BCKDHB: variants seen among roughly 807,000 people sequenced by gnomAD.
The protein encoded by BCKDHB is 2-oxoisovalerate dehydrogenase subunit beta, mitochondrial.
In BCKDHB, 41 loss-of-function variants were observed where a neutral mutation model predicts 48.5. The ratio of observed to expected loss-of-function variants is 0.85; its 90% CI spans 0.66 to 1.10. The LOEUF is 1.10. Among genes scored for constraint, BCKDHB ranks in the 50% least tolerant of loss-of-function variants. BCKDHB has a pLI of 0.00. For synonymous variants in BCKDHB, 201 were observed against 174.8 expected, an observed-to-expected ratio of 1.15 and a Z score of -1.18; for missense variants, 496 against 494.2, an observed-to-expected ratio of 1.00 and a Z score of -0.03.
chr6:80,286,026 A>G (rs1042014698), intron 9 of BCKDHB, among the ~76,000 whole-genome samples: 3 of 152,070 alleles, frequency 2.0e-5, no homozygotes, highest in Non-Finnish European at 4.4e-5. Flanking sequence ...GAATATATGA[A>G]TTAACTTTTT....
chr6:80,362,484 C>A, the BCKDHB span, among the ~76,000 whole-genome samples: 48,251 of 152,014 alleles, frequency 0.32, 8,922 homozygotes, highest in East Asian at 0.56. Context: ...GCAAGCCACC[C>A]AGAGTGTCTT....
At chr6:80,328,486 A>G (rs1205077932) in intron 9 of BCKDHB, among the ~76,000 whole-genome samples, 1 of 152,204 alleles carries the variant, frequency 6.6e-6, no homozygotes, top group Non-Finnish European at 1.5e-5. Flanking sequence ...TTTTTCCCAA[A>G]GGGAACATTT....
chr6:80,302,460 C>T (rs920273051), intron 9 of BCKDHB, among the ~76,000 whole-genome samples: 1 of 152,114 alleles, frequency 6.6e-6, no homozygotes, highest in Non-Finnish European at 1.5e-5. Flanking sequence ...TTGCAAAAGG[C>T]TTATTACATA....
intron 3 of BCKDHB, among the ~76,000 whole-genome samples, chr6:80,149,562 A>G (rs1036066297): frequency 1.3e-5 from 2 of 151,716 alleles, no homozygotes; most frequent in African/African-American, 2.4e-5. Flanking sequence ...ACAATAGCAA[A>G]GACTTGGAAC....
intron 1 of BCKDHB, 56 bp downstream of exon 1, chr6:80,106,945 A>AG (rs1769103183): frequency 6.4e-7 from 1 of 1,557,522 alleles, no homozygotes; most frequent in African/African-American, 1.4e-5. Flanking sequence ...CCAGGCTCGC[A>AG]GGCGCCCGCG....
chr6:80,246,659 G>A (rs1167725552), intron 8 of BCKDHB, among the ~76,000 whole-genome samples: 1 of 152,180 alleles, frequency 6.6e-6, no homozygotes, highest in African/African-American at 2.4e-5. Context: ...CATTGCAGCT[G>A]TATGCTGTCT....
chr6:80,304,043 C>G (rs1489724680), intron 9 of BCKDHB, among the ~76,000 whole-genome samples: 1 of 152,046 alleles, frequency 6.6e-6, no homozygotes, highest in Non-Finnish European at 1.5e-5. Context: ...AGGAAATAGT[C>G]TATAATTTGC....
At chr6:80,145,619 A>C (rs77253932) in intron 3 of BCKDHB, among the ~76,000 whole-genome samples, 3,900 of 152,244 alleles carry the variant, frequency 0.026, 60 homozygotes, top group Middle Eastern at 0.044. Flanking sequence ...TTTCTGCAGA[A>C]CTGGAAGCTG....
At chr6:80,224,712 T>C (rs992600203) in intron 8 of BCKDHB, among the ~76,000 whole-genome samples, 7 of 152,148 alleles carry the variant, frequency 4.6e-5, no homozygotes, top group African/African-American at 1.7e-4. Flanking sequence ...CAAAAAGATA[T>C]TTTCTTCCTC....
chr6:80,422,596 G>C, the BCKDHB span, among the ~76,000 whole-genome samples: 2 of 152,208 alleles, frequency 1.3e-5, no homozygotes, highest in Admixed American at 6.5e-5. Context: ...AGACACAGTA[G>C]TGCAGCTGCC....
the BCKDHB span, among the ~76,000 whole-genome samples, chr6:80,437,238 T>G: frequency 1.3e-5 from 2 of 152,342 alleles, no homozygotes; most frequent in East Asian, 3.9e-4. Flanking sequence ...AATTCTTACA[T>G]GGTTAAAACA....
At chr6:80,342,614 G>A (rs2128019485) in intron 9 of BCKDHB, among the ~76,000 whole-genome samples, 1 of 147,114 alleles carries the variant, frequency 6.8e-6, no homozygotes, top group East Asian at 2.0e-4. Flanking sequence ...GGAAGGAAAG[G>A]GAAGAAAAAA....
At chr6:80,282,970 A>G (rs546057875) in intron 9 of BCKDHB, among the ~76,000 whole-genome samples, 5 of 152,064 alleles carry the variant, frequency 3.3e-5, no homozygotes, top group Admixed American at 2.6e-4. Context: ...TTCCTTTATC[A>G]TGTACATTTG....
At chr6:80,238,540 G>A (rs1776240582) in intron 8 of BCKDHB, among the ~76,000 whole-genome samples, 1 of 152,044 alleles carries the variant, frequency 6.6e-6, no homozygotes, top group Admixed American at 6.6e-5. Context: ...CTCCAGCGCA[G>A]CCAAGTGGTG....
chr6:80,136,939 T>G (rs1770919012), intron 3 of BCKDHB, among the ~76,000 whole-genome samples: 1 of 152,170 alleles, frequency 6.6e-6, no homozygotes, highest in Admixed American at 6.6e-5. Context: ...TTAGGATGGC[T>G]GTTATCAAGA....
intron 8 of BCKDHB, among the ~76,000 whole-genome samples, chr6:80,254,701 T>TA (rs1776976313): frequency 6.6e-6 from 1 of 152,012 alleles, no homozygotes; most frequent in Non-Finnish European, 1.5e-5. Flanking sequence ...TCCTGTCTCT[T>TA]AAAAAAACAC....
chr6:80,423,888 G>C, the BCKDHB span, among the ~76,000 whole-genome samples: 1 of 152,172 alleles, frequency 6.6e-6, no homozygotes, highest in Non-Finnish European at 1.5e-5. Flanking sequence ...TTTTCCAGGA[G>C]TTTTCAGTAT....
At chr6:80,221,246 C>CT (rs1398903791) in intron 8 of BCKDHB, among the ~76,000 whole-genome samples, 4 of 152,122 alleles carry the variant, frequency 2.6e-5, no homozygotes, top group Admixed American at 2.6e-4. Context: ...TTCCTCTACT[C>CT]TTTGTTTATA....
rs1720668768 is a variant in BCKDHB, at chr6:80,343,689, C to A, written c.1064C>A (p.Ala355Asp). 6.2e-7 allele frequency: 1 copy of A among 1,613,836 alleles called. No individual in the cohort carries two copies. The highest frequency in any genetic ancestry group is 1.7e-5 in the Admixed American group (1 of 59,992). Residue 355 changes from alanine (A) to aspartate (D), a missense_variant, in exon 10 of 10, where the codon GCT (alanine) becomes GAT (aspartate). By Grantham distance (126) the Ala-to-Asp change is moderately radical. Coordinates refer to ENST00000320393, the MANE Select transcript of BCKDHB (RefSeq NM_183050.4). ...VQEECFLNLE[A>D]PISRVCGYDT... ...GAGGAATGTTTCTTGAACCTAGAGGCTCCTATATCAAGAGTATGTGGTTAT... is the reference window on the plus strand; with the variant it reads ...GAGGAATGTTTCTTGAACCTAGAGGATCCTATATCAAGAGTATGTGGTTAT...
Sources: allele counts gnomAD v4.1 joint callset (sites outside exome capture counted in the v4.1 genomes callset), GRCh38; gene constraint gnomAD v4.1.1; transcripts MANE v1.5; gene names NCBI Gene and HGNC (gene_info 2026-07-23, HGNC 2026-07-21).